Variants in PLEKHD1 observed in about 807,000 individuals in gnomAD.
PLEKHD1 encodes the protein pleckstrin homology and coiled-coil domain containing D1.
Under a neutral mutation model 69.2 loss-of-function variants are expected in PLEKHD1, and 51 were observed. The observed-to-expected ratio is 0.74, with a 90% CI of 0.59 to 0.93. The LOEUF (loss-of-function observed/expected upper bound fraction) is 0.93. Among genes scored for constraint, PLEKHD1 ranks in the 40% least tolerant of loss-of-function variants. PLEKHD1 has a pLI of 0.00. For synonymous variants in PLEKHD1, 236 were observed against 244.7 expected (o/e 0.96, Z 0.33); for missense variants, 584 against 641.0 (o/e 0.91, Z 0.96).
chr14:69,507,285 T>C (rs1367085452), intron 6 of PLEKHD1, among the ~76,000 whole-genome samples: 2 of 152,214 alleles, frequency 1.3e-5, no homozygotes, highest in African/African-American at 4.8e-5. Flanking sequence ...ATTGGCTTCT[T>C]TCACTTAGTA....
At chr14:69,525,211 C>T (rs919929393) in intron 8 of PLEKHD1, among the ~76,000 whole-genome samples, 13 of 152,152 alleles carry the variant, frequency 8.5e-5, no homozygotes, top group Non-Finnish European at 1.5e-5. Flanking sequence ...CATGGTCTCT[C>T]CAAGCCCATC....
At chr14:69,475,980 G>A in the PLEKHD1 span, among the ~76,000 whole-genome samples, 7,737 of 152,276 alleles carry the variant, frequency 0.051, 291 homozygotes, top group Non-Finnish European at 0.08. Flanking sequence ...CATCACTGCC[G>A]GGTGGAATGG....
chr14:69,490,526 T>C (rs924665289), intron 1 of PLEKHD1, among the ~76,000 whole-genome samples: 2 of 152,166 alleles, frequency 1.3e-5, no homozygotes, highest in African/African-American at 4.8e-5. Context: ...AAGACTCCTG[T>C]TTTACACATT....
rs745546018 is a variant in PLEKHD1 at position 69,527,812 on chromosome 14, G to A, written c.1231G>A (p.Glu411Lys). Residue 411 changes from glutamate (E) to lysine (K), a missense_variant, in exon 12 of 13, where the codon GAG (glutamate) becomes AAG (lysine). By Grantham distance (56) the Glu-to-Lys change is moderately conservative (BLOSUM62 1). Coordinates refer to ENST00000322564, the MANE Select transcript of PLEKHD1 (RefSeq NM_001161498.2). ...RFFEECIRNA[E>K]LEAKMPVIMK... ...CTTTGAGGAGTGCATCCGGAATGCC[G>A]AGCTGGAGGCCAAGATGCCTGTGAT... The A allele has an allele frequency of 5.8e-6, 9 of 1,551,472 alleles. No homozygotes were observed. Among genetic ancestry groups the A allele is most frequent in the South Asian group, 3.6e-5 (3 of 84,062 alleles).
the PLEKHD1 span, among the ~76,000 whole-genome samples, chr14:69,473,756 G>A: frequency 1.3e-5 from 2 of 152,214 alleles, no homozygotes; most frequent in Admixed American, 6.5e-5. Context: ...CAGTGGAGAA[G>A]GGGATCGAGG....
intron 10 of PLEKHD1, 88 bp from the exon 11 acceptor site, chr14:69,527,100 C>T (rs1465862890): frequency 7.0e-7 from 1 of 1,430,920 alleles, no homozygotes; most frequent in East Asian, 2.5e-5. Context: ...GCCCATTGAG[C>T]CAGGGGTGAC....
chr14:69,482,339 A>C (rs1882557324), upstream of PLEKHD1, among the ~76,000 whole-genome samples: 1 of 152,206 alleles, frequency 6.6e-6, no homozygotes, highest in Non-Finnish European at 1.5e-5. Flanking sequence ...ACTCACCACT[A>C]GTCCTCATCA....
rs1397676569 is a variant in PLEKHD1, at chr14:69,498,066, AT to A, written c.150-2045del. Among the ~76,000 whole-genome samples the A allele has an allele frequency of 4.5e-3, 603 of 133,836 alleles. 5 individuals are homozygous for A. Among genetic ancestry groups the A allele is most frequent in the African/African-American group, 0.017 (529 of 30,812 alleles). 87.8% of individuals were successfully genotyped at this position (133,836 alleles called of 152,430 possible). On this transcript the variant is annotated intron_variant, in intron 1 of 12. Coordinates refer to ENST00000322564, the MANE Select transcript of PLEKHD1 (RefSeq NM_001161498.2). ...TATTTTATTTTATTTTATTTATTTT[AT>A]TTTATTTTATTTTATTTTATTTTAT...
chr14:69,492,388 T>G (rs1279804149), intron 1 of PLEKHD1, among the ~76,000 whole-genome samples: 1 of 152,210 alleles, frequency 6.6e-6, no homozygotes, highest in Non-Finnish European at 1.5e-5. Flanking sequence ...TCTTCACTCT[T>G]CCTATACCTA....
intron 3 of PLEKHD1, 100 bp from the exon 4 acceptor site, chr14:69,500,771 G>T (rs1187965764): frequency 6.6e-7 from 1 of 1,510,698 alleles, no homozygotes; most frequent in African/African-American, 1.4e-5. Context: ...AGGGGCATCA[G>T]CACCCAGGGA....
At position 69,531,467 on chromosome 14, in the gene PLEKHD1, GGA is replaced by G. The variant is rs891321032; in HGVS notation, c.*3051_*3052del. Reference sequence around the variant, plus strand: ...TACGTAGGAGTGGAAATTACTTAGTGGAGATATGTTGATGTAATTTTTTTAAT... The same window carrying G: ...TACGTAGGAGTGGAAATTACTTAGTGGATATGTTGATGTAATTTTTTTAAT... On this transcript the variant is annotated 3_prime_UTR_variant, in exon 13 of 13. Transcript: ENST00000322564. The G allele has an allele frequency of 6.6e-6, 1 of 152,174 alleles. No homozygotes were observed. Among genetic ancestry groups the G allele is most frequent in the Non-Finnish European group, 1.5e-5 (1 of 68,038 alleles). The allele number at this position is 152,174 out of a possible 1,614,324, so 9.4% of individuals were successfully genotyped here. A position where few individuals can be genotyped will look rare whatever the true frequency, so the allele number is the denominator to read the frequency against.
intron 1 of PLEKHD1, among the ~76,000 whole-genome samples, chr14:69,495,156 G>A (rs1444871890): frequency 2.0e-5 from 3 of 152,158 alleles, no homozygotes; most frequent in African/African-American, 7.2e-5. Context: ...CCCTCTTTAT[G>A]CTGTCCTTCA....
rs1036266626 is a variant in PLEKHD1 at position 69,527,274 on chromosome 14, C to G, written c.1143C>G (p.Ser381=). 1.3e-6 allele frequency: 2 copies of G among 1,551,798 alleles called. No individual in the cohort carries two copies. The highest frequency in any genetic ancestry group is 1.7e-6 in the Non-Finnish European group (2 of 1,147,002). ...GAAGCCTGGAACAGGGGCTGAATTC[C>G]AAGGTGCGGAATAAGGAGAAGGAGG... is the stretch of plus-strand genomic sequence containing the variant. ...ALRSLEQGLN[S]KVRNKEKEER... Residue 381 remains serine (S), a synonymous_variant, in exon 11 of 13, where the codon TCC becomes TCG. Transcript: ENST00000322564.
At chr14:69,527,397 CTG>C in intron 11 of PLEKHD1, 65 bp downstream of exon 11, 30 of 1,544,802 alleles carry the variant, frequency 1.9e-5, no homozygotes, top group Non-Finnish European at 2.6e-5. Flanking sequence ...GATCCCGGCC[CTG>C]TAGAGCCAGG....
intron 6 of PLEKHD1, among the ~76,000 whole-genome samples, chr14:69,504,170 G>A (rs1488921328): frequency 3.3e-5 from 5 of 152,206 alleles, no homozygotes; most frequent in African/African-American, 1.2e-4. Context: ...CATGCTTAAC[G>A]AATATCTGTG....
chr14:69,479,420 A>G, the PLEKHD1 span, among the ~76,000 whole-genome samples: 2 of 152,288 alleles, frequency 1.3e-5, no homozygotes, highest in Admixed American at 6.5e-5. Flanking sequence ...CCTTGAAAAG[A>G]GCACGCATGA....
At chr14:69,521,404 C>T (rs1234664679) in intron 6 of PLEKHD1, among the ~76,000 whole-genome samples, 1 of 152,168 alleles carries the variant, frequency 6.6e-6, no homozygotes, top group Non-Finnish European at 1.5e-5. Context: ...ATATAGACAG[C>T]CTCCCTCCCC....
At chr14:69,528,217 G>T (rs751900950) in intron 12 of PLEKHD1, 33 bp from the exon 13 acceptor site, 1 of 1,550,840 alleles carries the variant, frequency 6.4e-7, no homozygotes, top group Admixed American at 2.0e-5. Flanking sequence ...AGGGAGCACT[G>T]TTCACAGGGC....
Position 69,529,953 on chromosome 14 carries a change from A to T in PLEKHD1, c.*1534A>T, listed in dbSNP as rs549264981. 19 of 152,434 alleles carry T rather than the reference A, an allele frequency of 1.2e-4. No individual in the cohort carries two copies. Among genetic ancestry groups the T allele is most frequent in the African/African-American group, 4.6e-4 (19 of 41,568 alleles). 9.4% of individuals were successfully genotyped at this position (152,434 alleles called of 1,614,324 possible). ...CTCTCCCTGCAGGCCCACCCTCCAA[A>T]GCTACCTGAGGCTATTGGCCTCCAG... On this transcript the variant is annotated 3_prime_UTR_variant, in exon 13 of 13. Transcript: ENST00000322564.
Sources: allele counts gnomAD v4.1 joint callset (sites outside exome capture counted in the v4.1 genomes callset), GRCh38; gene constraint gnomAD v4.1.1; transcripts MANE v1.5; gene names NCBI Gene and HGNC (gene_info 2026-07-23, HGNC 2026-07-21).